The following SEL1L3 variants were observed in gnomAD, a reference collection of about 807,000 sequenced individuals.
SEL1L3 encodes the protein SEL1L family member 3.
A neutral mutation model predicts 142.8 loss-of-function variants in SEL1L3; 76 were observed. That is an observed-to-expected ratio of 0.53 (90% CI 0.44 to 0.64). The LOEUF (loss-of-function observed/expected upper bound fraction) is 0.64. SEL1L3 is among the 30% of genes least tolerant of loss of function. The pLI, the probability that SEL1L3 is intolerant of heterozygous loss-of-function variation, is 0.00. For synonymous variants in SEL1L3, 504 were observed against 519.6 expected, an observed-to-expected ratio of 0.97 and a Z score of 0.41; for missense variants, 1,262 against 1,381.7, an observed-to-expected ratio of 0.91 and a Z score of 1.37.
intron 13 of SEL1L3, among the ~76,000 whole-genome samples, chr4:25,784,993 AG>A: frequency 6.6e-6 from 1 of 152,166 alleles, no homozygotes; most frequent in Non-Finnish European, 1.5e-5. Flanking sequence ...GAGTGGAAGG[AG>A]GTCCTTGAGT....
chr4:25,776,565 G>A, intron 16 of SEL1L3: 1 of 528,566 alleles, frequency 1.9e-6, no homozygotes, highest in Admixed American at 3.3e-5. Context: ...TGAATGATTA[G>A]GAGTTGTCTT....
intron 6 of SEL1L3, among the ~76,000 whole-genome samples, chr4:25,824,927 T>C (rs1185667762): frequency 6.6e-6 from 1 of 152,212 alleles, no homozygotes; most frequent in South Asian, 2.1e-4. Context: ...GGGCTCTGAT[T>C]ATTTTCACAA....
In SEL1L3 at chr4:25,839,324, T is replaced by A. The variant is rs138505725; in HGVS notation, c.734-4001A>T. Among the ~76,000 whole-genome samples the A allele has an allele frequency of 2.9e-3, 442 of 152,308 alleles. 2 individuals carry two copies. The highest frequency in any genetic ancestry group is 9.0e-3 in the African/African-American group (372 of 41,560). ...CATTCGATGGCAGGAATCTTAAGAA[T>A]AAAACCAGTTCTACTCCTAGTAATT... On this transcript the variant is annotated intron_variant, in intron 2 of 23. Transcript: ENST00000399878.
intron 23 of SEL1L3, among the ~76,000 whole-genome samples, chr4:25,750,531 A>G (rs1371175057): frequency 6.6e-6 from 1 of 152,182 alleles, no homozygotes; most frequent in East Asian, 1.9e-4. Context: ...TAGAAATTGT[A>G]TGCTATAAGT....
intron 20 of SEL1L3, chr4:25,760,054 A>G (rs987657824): frequency 2.3e-4 from 35 of 151,904 alleles, no homozygotes; most frequent in African/African-American, 8.2e-4. Flanking sequence ...CATATTTGCT[A>G]TTTTTCGTGA....
intron 11 of SEL1L3, among the ~76,000 whole-genome samples, chr4:25,794,785 G>T (rs1462942805): frequency 6.6e-6 from 1 of 152,080 alleles, no homozygotes; most frequent in African/African-American, 2.4e-5. Context: ...TGTAGCAATA[G>T]CAAAGACATG....
At chr4:25,809,956 C>T (rs190375547) in intron 9 of SEL1L3, among the ~76,000 whole-genome samples, 2 of 152,352 alleles carry the variant, frequency 1.3e-5, no homozygotes, top group Non-Finnish European at 2.9e-5. Context: ...GGTAGAGCTT[C>T]GCTAGTGCAG....
intron 6 of SEL1L3, among the ~76,000 whole-genome samples, chr4:25,825,012 C>T (rs976660524): frequency 2.0e-5 from 3 of 152,048 alleles, no homozygotes; most frequent in Non-Finnish European, 4.4e-5. Context: ...ACAGCAAACG[C>T]TAATCTGCAG....
At position 25,780,732 on chromosome 4, in the gene SEL1L3, ATATATATAAATAAAAAATTATATATAAAC is replaced by A. The variant is rs1032985640; in HGVS notation, c.2457+1481_2457+1509del. Reference sequence around the variant, plus strand: ...TACATATATATAAAATATATAAATAATATATATAAATAAAAAATTATATATAAACTATATATAAATAAAAAATAAAATAC... The same window carrying A: ...TACATATATATAAAATATATAAATAATATATATAAATAAAAAATAAAATAC... On this transcript the variant is annotated intron_variant, in intron 15 of 23. Transcript: ENST00000399878. Among the ~76,000 whole-genome samples, 5 of 147,028 alleles carry A rather than the reference ATATATATAAATAAAAAATTATATATAAAC, an allele frequency of 3.4e-5. No homozygotes were observed. In the Admixed American group the frequency reaches 3.4e-4, roughly 10 times the overall value.
chr4:25,843,786 C>T (rs1003472362), intron 2 of SEL1L3, among the ~76,000 whole-genome samples: 3 of 152,222 alleles, frequency 2.0e-5, no homozygotes, highest in South Asian at 2.1e-4. Context: ...GCTGGGTAAA[C>T]GTCTGCTGCG....
chr4:25,748,642 T>G (rs1577545958), intron 23 of SEL1L3, 78 bp from the exon 24 acceptor site: 1 of 1,473,272 alleles, frequency 6.8e-7, no homozygotes, highest in Non-Finnish European at 9.2e-7. Flanking sequence ...CTAGAGACTC[T>G]GGCAAGCCAG....
chr4:25,820,038 A>G, intron 7 of SEL1L3, 98 bp from the exon 8 acceptor site: 2 of 1,200,768 alleles, frequency 1.7e-6, no homozygotes, highest in Non-Finnish European at 2.4e-6. Flanking sequence ...TCTCCCATTG[A>G]CATCTCCAGG....
chr4:25,750,690 A>G (rs867660933), intron 23 of SEL1L3, among the ~76,000 whole-genome samples: 1 of 152,218 alleles, frequency 6.6e-6, no homozygotes, highest in Admixed American at 6.5e-5. Context: ...CTCTCTGACT[A>G]TAAGGCTACT....
At chr4:25,786,416 A>T (rs1711832830) in intron 13 of SEL1L3, among the ~76,000 whole-genome samples, 1 of 152,182 alleles carries the variant, frequency 6.6e-6, no homozygotes, top group African/African-American at 2.4e-5. Flanking sequence ...CTCTCTGCAA[A>T]AAAGTCTTAC....
Position 25,862,788 on chromosome 4 carries a change from GC to G in SEL1L3, c.48del (p.Gln16HisfsTer39). 1 of 1,176,222 alleles carries G rather than the reference GC, an allele frequency of 8.5e-7. No individual in the cohort carries two copies. Among genetic ancestry groups the G allele is most frequent in the East Asian group, 3.8e-5 (1 of 26,432 alleles). 72.9% of individuals were successfully genotyped at this position (1,176,222 alleles called of 1,614,324 possible). On this transcript the variant is annotated frameshift_variant, in exon 1 of 24. Coordinates refer to ENST00000399878, the MANE Select transcript of SEL1L3 (RefSeq NM_015187.5). LOFTEE classifies it high-confidence loss of function. Reference protein sequence around the residue: ...AGLGWPRQQQQQPPPLAVGPR... With the variant: ...AGLGWPRQQQXQPPPLAVGPR... ...GGGCCGACCGCGAGCGGCGGGGGTT[GC>G]TGCTGCTGCTGCCGCGGCCACCCGA...
intron 3 of SEL1L3, among the ~76,000 whole-genome samples, 190 bp downstream of exon 3, chr4:25,835,007 A>G (rs1715705351): frequency 6.6e-6 from 1 of 152,186 alleles, no homozygotes. Context: ...TTAAATGCCA[A>G]GAATAATTCA....
At chr4:25,836,859 A>G (rs142333807) in intron 2 of SEL1L3, among the ~76,000 whole-genome samples, 2,396 of 152,258 alleles carry the variant, frequency 0.016, 36 homozygotes, top group Non-Finnish European at 0.024. Context: ...CAAAGGAAAT[A>G]AAAAGTTTTA....
intron 5 of SEL1L3, 49 bp from the exon 6 acceptor site, chr4:25,830,205 A>G: frequency 8.5e-7 from 1 of 1,171,396 alleles, no homozygotes; most frequent in Non-Finnish European, 1.3e-6. Context: ...ATCACCCTAC[A>G]TTACCTATGC....
chr4:25,852,972 T>A (rs1450783347), intron 1 of SEL1L3, among the ~76,000 whole-genome samples: 1 of 152,256 alleles, frequency 6.6e-6, no homozygotes, highest in East Asian at 1.9e-4. Flanking sequence ...TTATTTTACA[T>A]CTTACTGCTA....
Sources: gnomAD v4.1 joint callset for allele counts (sites outside exome capture counted in the v4.1 genomes callset) on GRCh38, gnomAD v4.1.1 for gene constraint, MANE v1.5 for transcripts, NCBI Gene and HGNC (gene_info 2026-07-23, HGNC 2026-07-21) for gene names.